Variants in OSBPL5 observed in about 807,000 individuals in gnomAD.
OSBPL5 encodes oxysterol binding protein like 5, also known as oxysterol-binding protein-related protein 5.
Under a neutral mutation model 111.2 loss-of-function variants are expected in OSBPL5, and 71 were observed. The observed-to-expected ratio is 0.64, with a 90% confidence interval of 0.53 to 0.78. OSBPL5 has a LOEUF of 0.78. Ranked by LOEUF, OSBPL5 falls within the 30% of genes least tolerant of loss-of-function variation. The pLI is 0.00. For missense variants in OSBPL5, 1,210 were observed against 1,189.3 expected (o/e 1.02, Z -0.26); for synonymous variants, 549 against 513.9 (o/e 1.07, Z -0.93).
rs1846702105 is a variant in OSBPL5, at chr11:3,154,803, T to C, written c.-22+10413A>G. Among the ~76,000 whole-genome samples the C allele has an allele frequency of 6.6e-6, 1 of 152,114 alleles. No individual in the cohort carries two copies. The highest frequency in any genetic ancestry group is 1.5e-5 in the Non-Finnish European group (1 of 68,024). ...GATGGGGTCTTTAAAGAGCCCCCTA[T>C]ATACCTAATGTAAATGACGAGTTAA... On this transcript the variant is annotated intron_variant, in intron 1 of 21. Transcript: ENST00000263650. The surrounding 1 kb of genome is among the most constrained non-coding windows in gnomAD (Gnocchi z 4.9).
At position 3,109,924 on chromosome 11, in the gene OSBPL5, C is replaced by A. The variant is rs1202035817; in HGVS notation, c.692-1979G>T. ...CACAGGGGCTGCAGACACCTCTCCTCCCGAATGGTGGCCCACACCCTATCA... is the reference window on the plus strand; with the variant it reads ...CACAGGGGCTGCAGACACCTCTCCTACCGAATGGTGGCCCACACCCTATCA... On this transcript the variant is annotated intron_variant, in intron 7 of 21. Transcript: ENST00000263650. This position sits in a 1 kb window ranked among gnomAD's most constrained non-coding sequence, Gnocchi z 7.4. 1.4e-4 allele frequency among the ~76,000 whole-genome samples: 22 copies of A among 152,224 alleles called. No homozygotes were observed.
intron 1 of OSBPL5, among the ~76,000 whole-genome samples, chr11:3,164,760 A>T (rs1166764763): frequency 1.3e-5 from 2 of 151,986 alleles, no homozygotes; most frequent in Non-Finnish European, 2.9e-5. Context: ...CCCCCTGCAG[A>T]CCCATCAAGA....
intron 1 of OSBPL5, among the ~76,000 whole-genome samples, chr11:3,160,130 G>A (rs1012984979): frequency 2.1e-4 from 32 of 152,034 alleles, no homozygotes; most frequent in Non-Finnish European, 1.0e-4. Context: ...CTAAATTTGG[G>A]TGACTTCCTA....
At position 3,103,818 on chromosome 11, in the gene OSBPL5, G is replaced by A. The variant is rs1272709345; in HGVS notation, c.1244+375C>T. Among the ~76,000 whole-genome samples the A allele has an allele frequency of 4.6e-4, 12 of 25,976 alleles. 1 individual carries two copies. Among genetic ancestry groups the A allele is most frequent in the African/African-American group, 9.0e-4 (11 of 12,190 alleles). The allele number at this position is 25,976 out of a possible 152,430, so 17.0% of individuals were successfully genotyped here. ...TGCCTCTGCAGCCCTCTTCCTGCCTGCGCAGCCCCCTTCCAGCCTCTGCAG... is the reference window on the plus strand; with the variant it reads ...TGCCTCTGCAGCCCTCTTCCTGCCTACGCAGCCCCCTTCCAGCCTCTGCAG... On this transcript the variant is annotated intron_variant, in intron 10 of 21. Transcript: ENST00000263650.
rs12801849 is a variant in OSBPL5, at chr11:3,090,178, C to A, written c.2399-230G>T. On this transcript the variant is annotated intron_variant, in intron 20 of 21. Coordinates refer to ENST00000263650, the MANE Select transcript of OSBPL5 (RefSeq NM_020896.4). ...ACCAGCCACTAACAGGCCTGGGAGG[C>A]AGAAGTGGCCAAGGCAAGGCCCATC... 0.41 allele frequency among the ~76,000 whole-genome samples: 61,530 copies of A among 151,674 alleles called. 13,725 individuals carry two copies. The highest frequency in any genetic ancestry group is 0.78 in the East Asian group (3,965 of 5,080).
intron 3 of OSBPL5, among the ~76,000 whole-genome samples, chr11:3,125,593 CAGG>C (rs1056572868): frequency 1.2e-4 from 18 of 152,286 alleles, no homozygotes; most frequent in Non-Finnish European, 2.4e-4. Flanking sequence ...ATCATGAGGT[CAGG>C]AGATCAAGGC....
intron 1 of OSBPL5, among the ~76,000 whole-genome samples, chr11:3,143,015 CAGAGGAGGCAGGTGCGGGGG>C (rs1846181094): frequency 1.2e-5 from 1 of 82,854 alleles, no homozygotes; most frequent in Non-Finnish European, 2.6e-5. Flanking sequence ...CAGAGGGGGG[CAGAGGAGGCAGGTGCGGGGG>C]GGGGCAGAGG....
At chr11:3,097,021 G>GAGGAGAAGAC (rs1564824559) in intron 14 of OSBPL5, among the ~76,000 whole-genome samples, 1 of 10,382 alleles carries the variant, frequency 9.6e-5, no homozygotes, top group Non-Finnish European at 2.0e-4. Context: ...AAGACGGGAG[G>GAGGAGAAGAC]GGGAGGAGAG....
Position 3,164,951 on chromosome 11 carries a change from G to T in OSBPL5, c.-22+265C>A, listed in dbSNP as rs1387903784. 7.2e-5 allele frequency among the ~76,000 whole-genome samples: 10 copies of T among 138,068 alleles called. No individual in the cohort carries two copies. The East Asian group carries it at 2.2e-3, about 30-fold the overall frequency. The allele number at this position is 138,068 out of a possible 152,430, so 90.6% of individuals were successfully genotyped here. On this transcript the variant is annotated intron_variant, in intron 1 of 21. Coordinates refer to ENST00000263650, the MANE Select transcript of OSBPL5 (RefSeq NM_020896.4). ...TCGCGGGCCCCACCCGCCCCAACCC[G>T]CCAGGCGCCGACCCGTCCTGGCCCG...
chr11:3,089,749 C>T (rs1002106649), intron 21 of OSBPL5, 97 bp downstream of exon 21: 56 of 1,161,978 alleles, frequency 4.8e-5, no homozygotes, highest in Non-Finnish European at 6.1e-5. Flanking sequence ...CAACCCCAGC[C>T]GCGGCCTCCT....
intron 1 of OSBPL5, 36 bp from the exon 2 acceptor site, chr11:3,129,205 C>T (rs976102764): frequency 1.2e-5 from 16 of 1,358,428 alleles, no homozygotes; most frequent in African/African-American, 4.6e-5. Flanking sequence ...AGGAGGTCAC[C>T]GCCCCGGAAG....
Position 3,122,201 on chromosome 11 carries a change from G to C in OSBPL5, c.301-103C>G, listed in dbSNP as rs1035095788. 15 of 1,287,056 alleles carry C rather than the reference G, an allele frequency of 1.2e-5. No homozygotes were observed. The African/African-American group carries it at 1.9e-4, about 17-fold the overall frequency. The allele number at this position is 1,287,056 out of a possible 1,614,324, so 79.7% of individuals were successfully genotyped here. ...GATGGGTCCAGGGGCAGGGGCAGGA[G>C]AGGAAGTAGGAGGAAGTAGGGGGTG... On this transcript the variant is annotated intron_variant, in intron 4 of 21. Transcript: ENST00000263650.
chr11:3,128,941 T>G (rs1858728893), intron 2 of OSBPL5, 72 bp downstream of exon 2: 1 of 1,347,622 alleles, frequency 7.4e-7, no homozygotes, highest in Middle Eastern at 2.7e-4. Flanking sequence ...CACAGAGGGG[T>G]TGGGCCGCCC....
intron 1 of OSBPL5, among the ~76,000 whole-genome samples, chr11:3,135,428 A>C (rs1398470362): frequency 6.6e-6 from 1 of 151,812 alleles, no homozygotes. Flanking sequence ...GGGGACAGAG[A>C]GCCAGAACCG....
At chr11:3,114,630 G>A (rs952008513) in intron 7 of OSBPL5, among the ~76,000 whole-genome samples, 10 of 114,144 alleles carry the variant, frequency 8.8e-5, no homozygotes, top group African/African-American at 2.9e-4. Context: ...ACAGAGTCTC[G>A]CTCTGTTGCC....
At chr11:3,123,593 G>A (rs1858498412) in intron 3 of OSBPL5, among the ~76,000 whole-genome samples, 1 of 152,226 alleles carries the variant, frequency 6.6e-6, no homozygotes, top group Non-Finnish European at 1.5e-5. Flanking sequence ...TGCTCTGGCT[G>A]GGCGTCTGCG....
chr11:3,091,391 G>T (rs1310403517), intron 19 of OSBPL5, among the ~76,000 whole-genome samples: 1 of 152,150 alleles, frequency 6.6e-6, no homozygotes, highest in Non-Finnish European at 1.5e-5. Context: ...TCAGAGCCAG[G>T]ACAGGTGGGG....
intron 14 of OSBPL5, among the ~76,000 whole-genome samples, chr11:3,096,988 G>A (rs796370275): frequency 1.6e-4 from 15 of 95,338 alleles, no homozygotes; most frequent in Non-Finnish European, 1.8e-4. Flanking sequence ...GAAGGTGGGA[G>A]GAGGAGAAGA....
rs1045837611 is a variant in OSBPL5 at position 3,093,479 on chromosome 11, C to G, written c.1946+48G>C. On this transcript the variant is annotated intron_variant, in intron 17 of 21. Coordinates refer to ENST00000263650, the MANE Select transcript of OSBPL5 (RefSeq NM_020896.4). ...AGCCCTGCTGACCTGCCTGCTTGGC[C>G]ATGTCAGGCTGTGGTCAGCAGGGTC... 12 of 1,589,208 alleles carry G rather than the reference C, an allele frequency of 7.6e-6. No homozygotes were observed. The Admixed American group carries it at 1.7e-4, about 22-fold the overall frequency.
Sources: gnomAD v4.1 joint callset for allele counts (sites outside exome capture counted in the v4.1 genomes callset) on GRCh38, gnomAD v4.1.1 for gene constraint, Gnocchi (gnomAD v3.1) non-coding constraint, MANE v1.5 for transcripts, NCBI Gene and HGNC (gene_info 2026-07-23, HGNC 2026-07-21) for gene names.